FOXP2: variants seen among roughly 807,000 people sequenced by gnomAD.
The protein encoded by FOXP2 is forkhead box protein P2.
FOXP2 carries 12 observed loss-of-function variants against 115.8 expected under a neutral mutation model. That is an observed-to-expected ratio of 0.10 (90% confidence interval 0.07 to 0.17). The LOEUF (loss-of-function observed/expected upper bound fraction) is 0.17, where lower values mean the gene tolerates loss of function less well. Ranked by LOEUF, FOXP2 falls within the 10% of genes least tolerant of loss-of-function variation. FOXP2 has a pLI of 1.00. For synonymous variants in FOXP2, 328 were observed against 297.7 expected (o/e 1.10, Z -1.05); for missense variants, 629 against 843.5 (o/e 0.75, Z 3.15).
intron 2 of FOXP2, among the ~76,000 whole-genome samples, chr7:114,342,223 A>G (rs893123885): frequency 1.3e-5 from 2 of 151,462 alleles, no homozygotes; most frequent in Admixed American, 1.3e-4. Flanking sequence ...TCAAATCAAT[A>G]AACTTTCAGT....
chr7:114,194,543 G>A (rs1366997032), intron 1 of FOXP2, among the ~76,000 whole-genome samples: 1 of 151,908 alleles, frequency 6.6e-6, no homozygotes, highest in South Asian at 2.1e-4. Context: ...AGAAGATAGC[G>A]CTGAATCCTC....
chr7:114,262,301 T>C (rs1410074888), intron 1 of FOXP2, among the ~76,000 whole-genome samples: 1 of 152,046 alleles, frequency 6.6e-6, no homozygotes, highest in African/African-American at 2.4e-5. Context: ...TATGTACCTG[T>C]AATCTCAGCT....
rs568373365 is a variant in FOXP2 at position 114,451,450 on chromosome 7, G to A, written c.168+24771G>A. Among the ~76,000 whole-genome samples the A allele has an allele frequency of 1.9e-3, 293 of 152,036 alleles. 2 individuals carry two copies. Among genetic ancestry groups the A allele is most frequent in the Middle Eastern group, 3.4e-3 (1 of 294 alleles). On this transcript the variant is annotated intron_variant, in intron 2 of 16. Transcript: ENST00000350908. ...ATACTGTCTACTCCATGTGGATGGG[G>A]GAATTAAACAACTATAAATGTCTGA...
At chr7:114,250,746 T>C (rs2129169356) in intron 1 of FOXP2, among the ~76,000 whole-genome samples, 1 of 152,310 alleles carries the variant, frequency 6.6e-6, no homozygotes, top group Admixed American at 6.5e-5. Flanking sequence ...ATTCTGTAGG[T>C]TGCCTGTTCA....
chr7:114,150,662 T>A (rs1792506052), intron 1 of FOXP2, among the ~76,000 whole-genome samples: 1 of 152,060 alleles, frequency 6.6e-6, no homozygotes, highest in Non-Finnish European at 1.5e-5. Context: ...TTAAAATAGA[T>A]ATATATTCTT....
intron 2 of FOXP2, among the ~76,000 whole-genome samples, chr7:114,318,244 C>T (rs1797320405): frequency 6.6e-6 from 1 of 151,936 alleles, no homozygotes; most frequent in Non-Finnish European, 1.5e-5. Flanking sequence ...TTATTTTCTC[C>T]TCTGGAAATG....
intron 2 of FOXP2, among the ~76,000 whole-genome samples, chr7:114,379,090 C>T (rs1259933145): frequency 6.6e-6 from 1 of 151,764 alleles, no homozygotes; most frequent in Non-Finnish European, 1.5e-5. Context: ...TTATTTTTTG[C>T]AGTTGCAAGA....
chr7:114,131,864 C>T lies in FOXP2; in HGVS notation c.-246-31080C>T, dbSNP rs116495435. On this transcript the variant is annotated intron_variant, in intron 1 of 19. Transcript: ENST00000635638. ...CTTTTTTTGTAACTATCTCCATGGT[C>T]ATATGTTAGCATTATCTAATACCTG... Among the ~76,000 whole-genome samples, 649 of 152,182 alleles carry T rather than the reference C, an allele frequency of 4.3e-3. 3 individuals carry two copies. Among genetic ancestry groups the T allele is most frequent in the African/African-American group, 0.015 (624 of 41,560 alleles).
At position 114,253,240 on chromosome 7, in the gene FOXP2, G is replaced by A. The variant is rs569799181; in HGVS notation, c.-101-34779G>A. ...TGTGGTCAATTTTGGAATGAGTGTG[G>A]TGTGGTGCTGAGAAGAATGTATATT... On this transcript the variant is annotated intron_variant, in intron 1 of 17. Transcript: ENST00000634411. Among the ~76,000 whole-genome samples the A allele has an allele frequency of 2.6e-5, 4 of 152,234 alleles. No homozygotes were observed. In the South Asian group the frequency reaches 8.3e-4, roughly 32 times the overall value.
chr7:114,690,129 C>CTTCTTT lies in FOXP2; in HGVS notation c.*205_*206insCTTTTT. On this transcript the variant is annotated 3_prime_UTR_variant, in exon 17 of 17. Coordinates refer to ENST00000350908, the MANE Select transcript of FOXP2 (RefSeq NM_014491.4). The stretch of plus-strand genomic sequence containing the variant: ...TGCTTGTTTTCTTCTTCTTCTTCTT[C>CTTCTTT]TTTTTTTTTTTTTTTTTAGAAAAAA... 1 of 420,604 alleles carries CTTCTTT rather than the reference C, an allele frequency of 2.4e-6. No homozygotes were observed. The highest frequency in any genetic ancestry group is 4.3e-6 in the Non-Finnish European group (1 of 232,184). 26.1% of individuals were successfully genotyped at this position (420,604 alleles called of 1,614,324 possible).
intron 2 of FOXP2, among the ~76,000 whole-genome samples, chr7:114,389,616 C>T (rs915298476): frequency 2.6e-5 from 4 of 152,022 alleles, no homozygotes; most frequent in Non-Finnish European, 5.9e-5. Flanking sequence ...CCCATTGTGT[C>T]CAAACCTCAA....
chr7:114,409,853 C>T (rs1174964903), upstream of FOXP2, among the ~76,000 whole-genome samples: 2 of 151,998 alleles, frequency 1.3e-5, no homozygotes, highest in African/African-American at 4.8e-5. Context: ...CCCTGTTGCC[C>T]ATGGAATACA....
rs908911873 is a variant in FOXP2 at position 114,624,010 on chromosome 7, A to G, written c.259-4530A>G. ...TTGTCAGTTCTTTTTAATACCATAAAACCAGGAAGCTTTTGAAAGGCTATT... is the reference window on the plus strand; with the variant it reads ...TTGTCAGTTCTTTTTAATACCATAAGACCAGGAAGCTTTTGAAAGGCTATT... On this transcript the variant is annotated intron_variant, in intron 3 of 16. Coordinates refer to ENST00000350908, the MANE Select transcript of FOXP2 (RefSeq NM_014491.4). Among the ~76,000 whole-genome samples the G allele has an allele frequency of 3.9e-5, 6 of 151,918 alleles. 1 individual carries two copies. The highest frequency in any genetic ancestry group is 1.4e-4 in the African/African-American group (6 of 41,440).
chr7:114,133,855 AG>A (rs1791955928), intron 1 of FOXP2, among the ~76,000 whole-genome samples: 1 of 152,182 alleles, frequency 6.6e-6, no homozygotes, highest in Non-Finnish European at 1.5e-5. Context: ...TGACTTCTCC[AG>A]TATGTTGTGA....
chr7:114,250,342 C>G (rs938305515), intron 1 of FOXP2, among the ~76,000 whole-genome samples: 1 of 152,170 alleles, frequency 6.6e-6, no homozygotes, highest in Non-Finnish European at 1.5e-5. Flanking sequence ...AATGGCATTT[C>G]TAGTTCTAGA....
At chr7:114,184,563 G>A (rs1219112577) in intron 1 of FOXP2, among the ~76,000 whole-genome samples, 1 of 152,106 alleles carries the variant, frequency 6.6e-6, no homozygotes, top group African/African-American at 2.4e-5. Context: ...TGGATTCCAA[G>A]AACAGGGTTA....
At chr7:114,210,324 T>A (rs1435673394) in intron 1 of FOXP2, among the ~76,000 whole-genome samples, 7 of 152,130 alleles carry the variant, frequency 4.6e-5, no homozygotes, top group Non-Finnish European at 1.0e-4. Context: ...TTGAATGGGG[T>A]CTTGAAGTCT....
At chr7:114,648,670 T>C (rs950060731) in intron 8 of FOXP2, among the ~76,000 whole-genome samples, 1 of 152,126 alleles carries the variant, frequency 6.6e-6, no homozygotes, top group African/African-American at 2.4e-5. Context: ...GCTTAATTGT[T>C]TTTAGAAAGA....
chr7:114,329,866 G>A (rs1459758258), intron 2 of FOXP2, among the ~76,000 whole-genome samples: 2 of 151,834 alleles, frequency 1.3e-5, no homozygotes, highest in African/African-American at 2.4e-5. Context: ...TAGTAGAGAA[G>A]GGGTTTCACC....
Sources: gnomAD v4.1 joint callset for allele counts (sites outside exome capture counted in the v4.1 genomes callset) on GRCh38, gnomAD v4.1.1 for gene constraint, MANE v1.5 for transcripts, NCBI Gene and HGNC (gene_info 2026-07-23, HGNC 2026-07-21) for gene names.